The following THEMIS variants were observed in gnomAD, a reference collection of about 807,000 sequenced individuals.
THEMIS encodes protein THEMIS.
In THEMIS, 37 loss-of-function variants were observed where a neutral mutation model predicts 52.6. The ratio of observed to expected loss-of-function variants is 0.70; its 90% CI spans 0.54 to 0.93. The LOEUF is 0.93. Among genes scored for constraint, THEMIS ranks in the 40% least tolerant of loss-of-function variants. The pLI, the probability that THEMIS is intolerant of heterozygous loss-of-function variation, is 0.00. For missense variants in THEMIS, 808 were observed against 763.1 expected (o/e 1.06, Z -0.69); for synonymous variants, 292 against 272.7 (o/e 1.07, Z -0.70).
intron 4 of THEMIS, among the ~76,000 whole-genome samples, chr6:127,779,682 A>G (rs1776680209): frequency 6.6e-6 from 1 of 152,166 alleles, no homozygotes; most frequent in South Asian, 2.1e-4. Flanking sequence ...ATTTTTATCA[A>G]AAATAGTGGA....
intron 1 of THEMIS, among the ~76,000 whole-genome samples, chr6:127,867,923 AACACACACAC>A (rs35052969): frequency 6.7e-6 from 1 of 150,178 alleles, no homozygotes; most frequent in Non-Finnish European, 1.5e-5. Context: ...ATTACTATTA[AACACACACAC>A]ACACACACAC....
At chr6:127,749,325 C>G (rs905315146) in intron 4 of THEMIS, among the ~76,000 whole-genome samples, 2 of 151,962 alleles carry the variant, frequency 1.3e-5, no homozygotes, top group African/African-American at 4.8e-5. Flanking sequence ...AGCAAAGAAA[C>G]TGAGCTCAAT....
At chr6:127,840,370 G>T (rs563680943) in intron 2 of THEMIS, among the ~76,000 whole-genome samples, 54 of 152,114 alleles carry the variant, frequency 3.5e-4, no homozygotes, top group African/African-American at 1.3e-3. Flanking sequence ...AATGACACAG[G>T]CAAGTCCTCA....
intron 4 of THEMIS, among the ~76,000 whole-genome samples, chr6:127,777,079 G>T (rs527799439): frequency 6.6e-6 from 1 of 151,498 alleles, no homozygotes; most frequent in Non-Finnish European, 1.5e-5. Context: ...ACAGCATACA[G>T]TTGAGTATTT....
At chr6:127,830,274 TCA>T (rs1261504918) in intron 2 of THEMIS, among the ~76,000 whole-genome samples, 1 of 152,238 alleles carries the variant, frequency 6.6e-6, no homozygotes, top group Non-Finnish European at 1.5e-5. Flanking sequence ...TACTTCTCAG[TCA>T]CATTTTAAAT....
rs1230449192 is a variant in THEMIS at position 127,855,139 on chromosome 6, T to C, written c.141A>G (p.Glu47=). The C allele has an allele frequency of 6.2e-7, 1 of 1,609,582 alleles. No individual in the cohort carries two copies. The highest frequency in any genetic ancestry group is 1.7e-5 in the Admixed American group (1 of 59,450). The change falls in exon 2 of 6, where the codon GAA becomes GAG. Residue 47 remains glutamate, a synonymous_variant. Transcript: ENST00000368248. The part of the protein sequence containing the change: ...FGNECCFSTG[E]VIKITGLKVK... The stretch of plus-strand genomic sequence containing the variant: ...CTTTGAGACCAGTAATTTTAATCAC[T>C]TCTCCTGTTGAAAAACAGCATTCAT...
At chr6:127,915,507 G>A (rs1185790472) in intron 1 of THEMIS, among the ~76,000 whole-genome samples, 1 of 151,586 alleles carries the variant, frequency 6.6e-6, no homozygotes, top group Non-Finnish European at 1.5e-5. Context: ...GTAAAGGCAG[G>A]GCAAATAAAG....
intron 4 of THEMIS, among the ~76,000 whole-genome samples, chr6:127,802,173 G>A (rs1355028445): frequency 6.6e-6 from 1 of 152,162 alleles, no homozygotes; most frequent in East Asian, 1.9e-4. Flanking sequence ...AAGATCCAAA[G>A]GCTTAGGGAG....
chr6:127,768,854 C>G (rs892567333), intron 4 of THEMIS, among the ~76,000 whole-genome samples: 6 of 152,182 alleles, frequency 3.9e-5, no homozygotes, highest in African/African-American at 1.4e-4. Context: ...TGAACAGGCT[C>G]TAATCCTTTT....
At chr6:127,874,047 C>A (rs1780238235) in intron 1 of THEMIS, among the ~76,000 whole-genome samples, 1 of 152,170 alleles carries the variant, frequency 6.6e-6, no homozygotes, top group African/African-American at 2.4e-5. Flanking sequence ...TCATTAGTAG[C>A]ACTTTGTAGG....
intron 3 of THEMIS, among the ~76,000 whole-genome samples, chr6:127,821,439 T>C (rs1304022107): frequency 1.3e-5 from 2 of 152,130 alleles, no homozygotes; most frequent in Non-Finnish European, 2.9e-5. Context: ...TATGTACTTA[T>C]CAAACTTTAG....
chr6:127,765,448 G>A (rs1172504767), intron 4 of THEMIS, among the ~76,000 whole-genome samples: 1 of 152,020 alleles, frequency 6.6e-6, no homozygotes, highest in African/African-American at 2.4e-5. Flanking sequence ...TTCAGTTGTG[G>A]TAAATTATGA....
At chr6:127,773,515 T>C (rs1776456033) in intron 4 of THEMIS, among the ~76,000 whole-genome samples, 1 of 152,230 alleles carries the variant, frequency 6.6e-6, no homozygotes, top group South Asian at 2.1e-4. Flanking sequence ...CTACTACATA[T>C]CTAAATTTCT....
chr6:127,785,478 T>A (rs1031306816), intron 4 of THEMIS, among the ~76,000 whole-genome samples: 1,934 of 143,678 alleles, frequency 0.013, 82 homozygotes, highest in Admixed American at 0.084. Flanking sequence ...TAATAAAATT[T>A]AAAAAAAAAA....
chr6:127,730,259 C>A (rs1774720325), intron 4 of THEMIS, among the ~76,000 whole-genome samples: 1 of 87,440 alleles, frequency 1.1e-5, no homozygotes. Flanking sequence ...CAGAGACAGA[C>A]CCTGTATCTA....
At chr6:127,795,847 T>C (rs920813463) in intron 4 of THEMIS, among the ~76,000 whole-genome samples, 4 of 152,186 alleles carry the variant, frequency 2.6e-5, no homozygotes, top group African/African-American at 7.2e-5. Flanking sequence ...AAGTCCTACA[T>C]TGTAAGTAAC....
intron 4 of THEMIS, among the ~76,000 whole-genome samples, chr6:127,785,195 T>TCTAC (rs1007929294): frequency 6.7e-6 from 1 of 149,078 alleles, no homozygotes; most frequent in South Asian, 2.1e-4. Context: ...TAATCTATTA[T>TCTAC]CTACCTACCT....
intron 4 of THEMIS, among the ~76,000 whole-genome samples, chr6:127,747,931 TG>T (rs1335693067): frequency 6.6e-6 from 1 of 152,052 alleles, no homozygotes; most frequent in Non-Finnish European, 1.5e-5. Context: ...GCAAGTTAAC[TG>T]TAAATGAAGA....
intron 1 of THEMIS, among the ~76,000 whole-genome samples, chr6:127,873,417 C>T (rs1316172512): frequency 6.6e-6 from 1 of 152,108 alleles, no homozygotes; most frequent in East Asian, 1.9e-4. Context: ...GTAATCAGAA[C>T]TGTATAGTTA....
Sources: gnomAD v4.1 joint callset for allele counts (sites outside exome capture counted in the v4.1 genomes callset) on GRCh38, gnomAD v4.1.1 for gene constraint, MANE v1.5 for transcripts, NCBI Gene and HGNC (gene_info 2026-07-23, HGNC 2026-07-21) for gene names.